Variants in SLC39A11 observed in about 807,000 individuals in gnomAD.
SLC39A11 encodes zinc transporter ZIP11.
A neutral mutation model predicts 36.1 loss-of-function variants in SLC39A11; 33 were observed. The ratio of observed to expected loss-of-function variants is 0.91; its 90% confidence interval spans 0.69 to 1.22. SLC39A11 has a LOEUF of 1.22. Among genes scored for constraint, SLC39A11 ranks in the 50% most tolerant of loss-of-function variants. The probability of loss-of-function intolerance (pLI) is 0.00; values close to 1 mark genes in which losing one functional copy is unlikely to be tolerated. For synonymous variants in SLC39A11, 166 were observed against 170.3 expected (o/e 0.97, Z 0.20); for missense variants, 432 against 430.3 (o/e 1.00, Z -0.03).
chr17:73,036,276 T>G (rs1344596403), intron 3 of SLC39A11, among the ~76,000 whole-genome samples: 1 of 152,196 alleles, frequency 6.6e-6, no homozygotes. Flanking sequence ...ATAGCAAAAT[T>G]GAGTGGAAAG....
chr17:72,789,565 T>C (rs751976684), intron 6 of SLC39A11, among the ~76,000 whole-genome samples: 1 of 152,196 alleles, frequency 6.6e-6, no homozygotes, highest in African/African-American at 2.4e-5. Flanking sequence ...ACAGCTCTGA[T>C]TCCACCCTTC....
At chr17:72,942,336 A>T (rs1164294691) in intron 5 of SLC39A11, among the ~76,000 whole-genome samples, 1 of 152,182 alleles carries the variant, frequency 6.6e-6, no homozygotes, top group Admixed American at 6.5e-5. Flanking sequence ...TACAGGGAAA[A>T]AAATAAATAA....
chr17:72,902,486 C>T (rs946029161), intron 5 of SLC39A11, among the ~76,000 whole-genome samples: 3 of 152,134 alleles, frequency 2.0e-5, no homozygotes, highest in East Asian at 1.9e-4. Flanking sequence ...GATTTCAGAC[C>T]GATGGTCTCC....
chr17:73,056,367 C>T (rs923616793), intron 3 of SLC39A11, among the ~76,000 whole-genome samples: 1 of 152,128 alleles, frequency 6.6e-6, no homozygotes, highest in Non-Finnish European at 1.5e-5. Flanking sequence ...CGGGGTTTCA[C>T]CATGTTGGCC....
At chr17:72,910,084 G>A (rs1217809133) in intron 5 of SLC39A11, among the ~76,000 whole-genome samples, 5 of 152,068 alleles carry the variant, frequency 3.3e-5, no homozygotes, top group Non-Finnish European at 7.4e-5. Flanking sequence ...ACAGCAGAAG[G>A]TTGGACTGGA....
intron 7 of SLC39A11, among the ~76,000 whole-genome samples, chr17:72,715,032 A>C (rs76155860): frequency 2.0e-5 from 3 of 152,154 alleles, no homozygotes; most frequent in Admixed American, 6.5e-5. Context: ...CGTGATGTCT[A>C]TTCTCACTCA....
intron 5 of SLC39A11, among the ~76,000 whole-genome samples, chr17:72,924,162 A>AAT (rs560384382): frequency 0.049 from 5,956 of 120,702 alleles, 798 homozygotes; most frequent in African/African-American, 0.21. Flanking sequence ...AAAAAAAAAA[A>AAT]TTTTTTTTTT....
At chr17:73,085,190 C>T (rs890046955) in intron 2 of SLC39A11, among the ~76,000 whole-genome samples, 1 of 152,062 alleles carries the variant, frequency 6.6e-6, no homozygotes, top group African/African-American at 2.4e-5. Context: ...TGGTGAGGAG[C>T]AGAGGAGCAG....
At chr17:72,947,214 C>T (rs567941835) in intron 5 of SLC39A11, among the ~76,000 whole-genome samples, 1 of 151,742 alleles carries the variant, frequency 6.6e-6, no homozygotes, top group South Asian at 2.1e-4. Flanking sequence ...CTTGAGAAGT[C>T]GAGGCAGGAG....
chr17:72,907,740 C>T (rs2082732768), intron 5 of SLC39A11, among the ~76,000 whole-genome samples: 1 of 152,214 alleles, frequency 6.6e-6, no homozygotes, highest in Non-Finnish European at 1.5e-5. Context: ...TTAAATGGGT[C>T]CATGCAGAAC....
chr17:72,828,643 G>A (rs1022498140), intron 6 of SLC39A11, among the ~76,000 whole-genome samples: 15 of 152,310 alleles, frequency 9.8e-5, no homozygotes, highest in Non-Finnish European at 1.9e-4. Context: ...AGGAGTCTCC[G>A]CAGCCTGAGT....
intron 3 of SLC39A11, among the ~76,000 whole-genome samples, chr17:73,052,176 C>T (rs1167044047): frequency 2.9e-5 from 3 of 101,776 alleles, no homozygotes; most frequent in African/African-American, 1.2e-4. Flanking sequence ...AAATCAACCC[C>T]AGAAAAAAAA....
In SLC39A11 at chr17:72,781,413, G is replaced by GT. The variant is rs976689524; in HGVS notation, c.602-44695dup. Among the ~76,000 whole-genome samples, 304 of 136,476 alleles carry GT rather than the reference G, an allele frequency of 2.2e-3. 2 individuals carry two copies. The highest frequency in any genetic ancestry group is 3.8e-3 in the Middle Eastern group (1 of 264). 89.5% of individuals were successfully genotyped at this position (136,476 alleles called of 152,430 possible). ...ATTTTGTCTTATTTTGTTTCTTTTG[G>GT]TTTTTTTTTTTTCTTTTTTCTTTTT... On this transcript the variant is annotated intron_variant, in intron 6 of 9. Transcript: ENST00000255559.
chr17:72,799,786 A>T (rs779190140), intron 6 of SLC39A11, among the ~76,000 whole-genome samples: 1 of 149,460 alleles, frequency 6.7e-6, no homozygotes, highest in Non-Finnish European at 1.5e-5. Flanking sequence ...ACCGCTGAAC[A>T]CAGACCCTTC....
chr17:73,020,954 T>C (rs2058331217), intron 4 of SLC39A11, among the ~76,000 whole-genome samples: 2 of 152,162 alleles, frequency 1.3e-5, no homozygotes, highest in Non-Finnish European at 1.5e-5. Flanking sequence ...GTGCTGAGAT[T>C]ACAGGCATGA....
intron 3 of SLC39A11, among the ~76,000 whole-genome samples, chr17:73,045,424 C>T (rs1213896229): frequency 6.8e-6 from 1 of 146,804 alleles, no homozygotes. Flanking sequence ...CCTCCATGCC[C>T]AGTCCTGCTC....
chr17:72,858,846 G>A (rs2079803018), intron 5 of SLC39A11, among the ~76,000 whole-genome samples: 1 of 152,176 alleles, frequency 6.6e-6, no homozygotes, highest in Non-Finnish European at 1.5e-5. Flanking sequence ...GACACTTTGT[G>A]TATTCTGACA....
rs566895198 is a variant in SLC39A11 at position 72,802,462 on chromosome 17, C to T, written c.601+47172G>A. Among the ~76,000 whole-genome samples the T allele has an allele frequency of 2.1e-4, 32 of 151,354 alleles. 1 individual carries two copies. In the South Asian group the frequency reaches 5.9e-3, roughly 28 times the overall value. On this transcript the variant is annotated intron_variant, in intron 6 of 9. Coordinates refer to ENST00000255559, the MANE Select transcript of SLC39A11 (RefSeq NM_139177.4). ...AAAATTAGCTGGGCACGGTGGCGGGCGCCTGTAATCCCAGCTACTTGGGAG... is the reference window on the plus strand; with the variant it reads ...AAAATTAGCTGGGCACGGTGGCGGGTGCCTGTAATCCCAGCTACTTGGGAG...
chr17:72,697,022 T>C (rs1360655340), intron 7 of SLC39A11, among the ~76,000 whole-genome samples: 1 of 152,268 alleles, frequency 6.6e-6, no homozygotes, highest in Non-Finnish European at 1.5e-5. Flanking sequence ...TTCTTTCTGC[T>C]AATAGCCATA....
Sources: gnomAD v4.1 joint callset for allele counts (sites outside exome capture counted in the v4.1 genomes callset) on GRCh38, gnomAD v4.1.1 for gene constraint, MANE v1.5 for transcripts, NCBI Gene and HGNC (gene_info 2026-07-23, HGNC 2026-07-21) for gene names.